Variants in ZMYM4 observed in about 807,000 individuals in gnomAD.
ZMYM4 encodes the protein zinc finger MYM-type protein 4.
A neutral mutation model predicts 183.2 loss-of-function variants in ZMYM4; 31 were observed. That is an observed-to-expected ratio of 0.17 (90% CI 0.13 to 0.23). The LOEUF is 0.23. Ranked by LOEUF, ZMYM4 falls within the 10% of genes least tolerant of loss-of-function variation. The pLI, the probability that ZMYM4 is intolerant of heterozygous loss-of-function variation, is 1.00. For missense variants in ZMYM4, 1,273 were observed against 1,840.3 expected, an observed-to-expected ratio of 0.69 and a Z score of 5.64; for synonymous variants, 592 against 631.2, an observed-to-expected ratio of 0.94 and a Z score of 0.93.
intron 23 of ZMYM4, among the ~76,000 whole-genome samples, chr1:35,400,559 A>T (rs1362155205): frequency 6.6e-6 from 1 of 152,118 alleles, no homozygotes; most frequent in Non-Finnish European, 1.5e-5. Context: ...GCTGTTTTTC[A>T]CATTGACAGG....
intron 26 of ZMYM4, 23 bp downstream of exon 26, chr1:35,408,182 T>G: frequency 6.2e-7 from 1 of 1,613,176 alleles, no homozygotes; most frequent in Non-Finnish European, 8.5e-7. Context: ...ACATATGGAT[T>G]CTTCAACCTA....
chr1:35,368,061 G>GCCCCCCCC (rs376935993), intron 5 of ZMYM4, among the ~76,000 whole-genome samples: 40 of 98,284 alleles, frequency 4.1e-4, no homozygotes, highest in African/African-American at 7.3e-4. Context: ...CAAATCCAGC[G>GCCCCCCCC]CCCCCCCCCC....
At chr1:35,349,464 A>G (rs562615262) in intron 2 of ZMYM4, among the ~76,000 whole-genome samples, 1 of 152,316 alleles carries the variant, frequency 6.6e-6, no homozygotes, top group Non-Finnish European at 1.5e-5. Context: ...GATCTTATAA[A>G]GGGGTTTTTA....
rs530453840 is a variant in ZMYM4 at position 35,287,593 on chromosome 1, A to G, written c.39+18508A>G. On this transcript the variant is annotated intron_variant, in intron 1 of 29. Coordinates refer to ENST00000314607, the MANE Select transcript of ZMYM4 (RefSeq NM_005095.3). Reference sequence around the variant, plus strand: ...ACTTGTTATTTTTCCTATTTATTTTATTTTTATTTTTATTTTATTTTATTT... The same window carrying G: ...ACTTGTTATTTTTCCTATTTATTTTGTTTTTATTTTTATTTTATTTTATTT... Among the ~76,000 whole-genome samples, 13 of 150,878 alleles carry G rather than the reference A, an allele frequency of 8.6e-5. 2 individuals are homozygous for G. The highest frequency in any genetic ancestry group is 2.7e-4 in the African/African-American group (11 of 41,058).
At chr1:35,390,213 T>C in intron 15 of ZMYM4, 115 bp downstream of exon 15, 1 of 1,177,002 alleles carries the variant, frequency 8.5e-7, no homozygotes, top group South Asian at 2.1e-5. Context: ...AACCTCAGTT[T>C]CCTTGTATTC....
intron 1 of ZMYM4, among the ~76,000 whole-genome samples, chr1:35,314,664 ATTTTT>A (rs769116908): frequency 1.1e-5 from 1 of 88,926 alleles, no homozygotes; most frequent in Admixed American, 1.6e-4. Flanking sequence ...TTCAAAAATG[ATTTTT>A]TTTTTTTTTT....
At chr1:35,284,407 T>C (rs1250005040) in intron 1 of ZMYM4, among the ~76,000 whole-genome samples, 1 of 152,214 alleles carries the variant, frequency 6.6e-6, no homozygotes, top group African/African-American at 2.4e-5. Context: ...TTCTAAGAGT[T>C]TTAGTGTTTA....
intron 3 of ZMYM4, among the ~76,000 whole-genome samples, chr1:35,360,598 A>G (rs535325024): frequency 1.3e-5 from 2 of 152,244 alleles, no homozygotes; most frequent in East Asian, 1.9e-4. Context: ...CAAGGAACAT[A>G]ATGTCTAGTA....
At chr1:35,281,914 T>G (rs1045676808) in intron 1 of ZMYM4, among the ~76,000 whole-genome samples, 1 of 152,204 alleles carries the variant, frequency 6.6e-6, no homozygotes, top group Admixed American at 6.5e-5. Context: ...CATACAATAT[T>G]TATCCTTTGG....
chr1:35,340,382 G>T (rs141145436), intron 2 of ZMYM4, among the ~76,000 whole-genome samples: 2 of 152,116 alleles, frequency 1.3e-5, no homozygotes, highest in East Asian at 3.9e-4. Context: ...ATGGTTTTGG[G>T]ATGATTCAAG....
At chr1:35,390,458 A>G (rs1194770179) in intron 15 of ZMYM4, among the ~76,000 whole-genome samples, 1 of 152,060 alleles carries the variant, frequency 6.6e-6, no homozygotes, top group Non-Finnish European at 1.5e-5. Context: ...TGGGGGTCAC[A>G]AAGTGCTCAG....
At chr1:35,335,181 G>C (rs571799776) in intron 2 of ZMYM4, among the ~76,000 whole-genome samples, 1 of 150,288 alleles carries the variant, frequency 6.7e-6, no homozygotes, top group Admixed American at 6.6e-5. Flanking sequence ...TTGGTTTTGA[G>C]CTTTGTATTG....
At chr1:35,395,911 C>T (rs1334558861) in intron 18 of ZMYM4, among the ~76,000 whole-genome samples, 1 of 152,166 alleles carries the variant, frequency 6.6e-6, no homozygotes, top group Non-Finnish European at 1.5e-5. Context: ...TGGAATAAAT[C>T]ATCCATCTTG....
At chr1:35,414,150 T>A in intron 27 of ZMYM4, 67 bp downstream of exon 27, 1 of 993,954 alleles carries the variant, frequency 1.0e-6, no homozygotes, top group South Asian at 1.5e-5. Flanking sequence ...TTTTTGGTTA[T>A]CTTTAAAAAA....
Position 35,419,859 on chromosome 1 carries a change from G to A in ZMYM4, c.*182G>A, listed in dbSNP as rs571355149. On this transcript the variant is annotated 3_prime_UTR_variant, in exon 30 of 30. Coordinates refer to ENST00000314607, the MANE Select transcript of ZMYM4 (RefSeq NM_005095.3). The stretch of plus-strand genomic sequence containing the variant: ...AAATGAAAATTGAAGGAAAGAATAT[G>A]AACTGAGAAATGTTCTTTGGCAGTG... 1.6e-6 allele frequency: 1 copy of A among 621,540 alleles called. No individual in the cohort carries two copies. Among genetic ancestry groups the A allele is most frequent in the South Asian group, 2.0e-5 (1 of 50,034 alleles). 38.5% of individuals were successfully genotyped at this position (621,540 alleles called of 1,614,324 possible).
At chr1:35,333,157 T>A (rs1642827141) in intron 2 of ZMYM4, among the ~76,000 whole-genome samples, 1 of 152,330 alleles carries the variant, frequency 6.6e-6, no homozygotes, top group East Asian at 1.9e-4. Flanking sequence ...ATAAAATAGC[T>A]TTAAAAATTT....
At chr1:35,284,606 T>G (rs1267260962) in intron 1 of ZMYM4, among the ~76,000 whole-genome samples, 2 of 152,248 alleles carry the variant, frequency 1.3e-5, no homozygotes, top group Non-Finnish European at 2.9e-5. Context: ...CGTATCAGTT[T>G]GGGCTGTCGT....
chr1:35,315,930 A>G (rs528627691), intron 1 of ZMYM4, among the ~76,000 whole-genome samples: 23 of 150,966 alleles, frequency 1.5e-4, no homozygotes, highest in Admixed American at 6.6e-4. Context: ...TGTCTGGGGG[A>G]AAAAAAAAAT....
chr1:35,287,842 G>A (rs985641416), intron 1 of ZMYM4, among the ~76,000 whole-genome samples: 1 of 152,088 alleles, frequency 6.6e-6, no homozygotes, highest in Non-Finnish European at 1.5e-5. Context: ...CTGACCTCGC[G>A]GTCTACCAGC....
Sources: gnomAD v4.1 joint callset for allele counts (sites outside exome capture counted in the v4.1 genomes callset) on GRCh38, gnomAD v4.1.1 for gene constraint, MANE v1.5 for transcripts, NCBI Gene and HGNC (gene_info 2026-07-23, HGNC 2026-07-21) for gene names.